PTPRD: variants seen among roughly 807,000 people sequenced by gnomAD.
PTPRD encodes protein tyrosine phosphatase receptor type D.
PTPRD carries 34 observed loss-of-function variants against 214.5 expected under a neutral mutation model. The ratio of observed to expected loss-of-function variants is 0.16; its 90% CI spans 0.12 to 0.21. PTPRD has a LOEUF of 0.21. Among genes scored for constraint, PTPRD ranks in the 10% least tolerant of loss-of-function variants. The pLI is 1.00. For synonymous variants in PTPRD, 1,128 were observed against 845.7 expected, an observed-to-expected ratio of 1.33 and a Z score of -5.79; for missense variants, 2,545 against 2,398.7, an observed-to-expected ratio of 1.06 and a Z score of -1.27.
At chr9:9,356,006 T>C (rs1021635588) in intron 9 of PTPRD, among the ~76,000 whole-genome samples, 1 of 151,426 alleles carries the variant, frequency 6.6e-6, no homozygotes, top group African/African-American at 2.4e-5. Context: ...GCATTGGATT[T>C]AGCAATATTG....
At chr9:8,806,598 A>G (rs1375989332) in intron 11 of PTPRD, among the ~76,000 whole-genome samples, 3 of 152,194 alleles carry the variant, frequency 2.0e-5, no homozygotes, top group Admixed American at 1.3e-4. Flanking sequence ...AAGTATTGAC[A>G]AAGCCTTCCT....
Position 8,788,201 on chromosome 9 carries a change from C to T in PTPRD, c.-103-54255G>A, listed in dbSNP as rs569111922. The stretch of plus-strand genomic sequence containing the variant: ...GAAAGCAAAAAATGGTTATGAGTAA[C>T]CATGGCCATAATGGAAAAACATAGC... On this transcript the variant is annotated intron_variant, in intron 11 of 45. Transcript: ENST00000381196. 4.0e-5 allele frequency among the ~76,000 whole-genome samples: 6 copies of T among 149,536 alleles called. No homozygotes were observed. In the East Asian group the frequency reaches 1.2e-3, roughly 29 times the overall value.
chr9:10,523,528 C>A (rs1324288113), intron 2 of PTPRD, among the ~76,000 whole-genome samples: 1 of 146,404 alleles, frequency 6.8e-6, no homozygotes, highest in Non-Finnish European at 1.5e-5. Flanking sequence ...TTAATATAAA[C>A]AAGCAGGTAG....
rs182439753 is a variant in PTPRD at position 8,514,186 on chromosome 9, G to T, written c.1543+3662C>A. Among the ~76,000 whole-genome samples, 110 of 152,130 alleles carry T rather than the reference G, an allele frequency of 7.2e-4. 1 individual carries two copies. The highest frequency in any genetic ancestry group is 2.5e-3 in the African/African-American group (105 of 41,518). The stretch of plus-strand genomic sequence containing the variant: ...GGTCATATAAAAAAATAAAGATATG[G>T]TCTGTCTACTTCAACATTACTTCTA... On this transcript the variant is annotated intron_variant, in intron 21 of 45. Transcript: ENST00000381196.
At chr9:9,211,804 AT>A (rs371299570) in intron 9 of PTPRD, among the ~76,000 whole-genome samples, 9,175 of 144,556 alleles carry the variant, frequency 0.063, 681 homozygotes, top group African/African-American at 0.19. Flanking sequence ...AACTGGTACT[AT>A]TTTTTTTTTT....
chr9:8,567,709 A>G (rs1235582963), intron 14 of PTPRD, among the ~76,000 whole-genome samples: 2 of 152,186 alleles, frequency 1.3e-5, no homozygotes, highest in East Asian at 1.9e-4. Flanking sequence ...ATATTTTTAA[A>G]TGCCTCAATG....
At chr9:8,573,256 C>G (rs529750847) in intron 14 of PTPRD, among the ~76,000 whole-genome samples, 18 of 152,010 alleles carry the variant, frequency 1.2e-4, no homozygotes, top group East Asian at 3.9e-4. Flanking sequence ...TTTTGTTATT[C>G]TCTTACATAA....
chr9:9,547,258 C>T (rs1373099243), intron 8 of PTPRD, among the ~76,000 whole-genome samples: 1 of 152,074 alleles, frequency 6.6e-6, no homozygotes, highest in Non-Finnish European at 1.5e-5. Flanking sequence ...TCCTTACAAA[C>T]CTTTGTGTTC....
intron 5 of PTPRD, among the ~76,000 whole-genome samples, chr9:9,781,589 A>G (rs1240639545): frequency 6.6e-6 from 1 of 152,194 alleles, no homozygotes; most frequent in East Asian, 1.9e-4. Flanking sequence ...AGTCTGAAGC[A>G]CCAAGCACAC....
chr9:9,830,875 T>A (rs545418734), intron 5 of PTPRD, among the ~76,000 whole-genome samples: 2 of 152,050 alleles, frequency 1.3e-5, no homozygotes, highest in East Asian at 1.9e-4. Context: ...CTTAATTATT[T>A]TTTTTTACTG....
At chr9:8,321,504 TATATATATATATATATATATATAAAA>T (rs1827901008) in intron 44 of PTPRD, among the ~76,000 whole-genome samples, 1 of 89,620 alleles carries the variant, frequency 1.1e-5, no homozygotes, top group African/African-American at 6.9e-5. Flanking sequence ...TATATATATA[TATATATATATATATATATATATAAAA>T]GGTATATGCA....
intron 7 of PTPRD, among the ~76,000 whole-genome samples, chr9:9,698,982 T>C (rs1199698160): frequency 2.0e-5 from 3 of 152,186 alleles, no homozygotes; most frequent in Admixed American, 6.5e-5. Context: ...GTGTCTAACT[T>C]TTTAATAAAA....
intron 14 of PTPRD, among the ~76,000 whole-genome samples, chr9:8,617,844 A>T (rs1305011037): frequency 6.6e-6 from 1 of 152,170 alleles, no homozygotes; most frequent in Non-Finnish European, 1.5e-5. Flanking sequence ...TGAAAGGCAC[A>T]TCTGATACGG....
At chr9:9,094,006 T>C (rs1256648127) in intron 10 of PTPRD, among the ~76,000 whole-genome samples, 1 of 152,114 alleles carries the variant, frequency 6.6e-6, no homozygotes, top group Non-Finnish European at 1.5e-5. Context: ...ATTAAAAATG[T>C]AATAAGAGAA....
intron 4 of PTPRD, among the ~76,000 whole-genome samples, chr9:10,024,237 T>C (rs543201339): frequency 9.9e-5 from 15 of 152,278 alleles, no homozygotes; most frequent in African/African-American, 3.1e-4. Flanking sequence ...ATGAATTTAA[T>C]TTATTCTAAA....
chr9:8,451,298 T>G (rs148650065), intron 33 of PTPRD, among the ~76,000 whole-genome samples: 1 of 152,298 alleles, frequency 6.6e-6, no homozygotes, highest in Non-Finnish European at 1.5e-5. Context: ...ATTTCTTCTT[T>G]CTACCTAAAG....
intron 5 of PTPRD, among the ~76,000 whole-genome samples, chr9:9,807,255 T>C (rs2153528778): frequency 6.6e-6 from 1 of 152,248 alleles, no homozygotes; most frequent in East Asian, 1.9e-4. Flanking sequence ...CTGAGTGGTG[T>C]GGTGGAAGAT....
intron 9 of PTPRD, among the ~76,000 whole-genome samples, chr9:9,293,638 AC>A (rs1489860983): frequency 1.3e-5 from 2 of 151,456 alleles, no homozygotes; most frequent in Non-Finnish European, 3.0e-5. Flanking sequence ...ATACCGTAAT[AC>A]CCCCTTATCC....
intron 8 of PTPRD, among the ~76,000 whole-genome samples, chr9:9,531,382 TAA>T (rs1427589884): frequency 6.6e-6 from 1 of 152,126 alleles, no homozygotes; most frequent in Non-Finnish European, 1.5e-5. Flanking sequence ...AGTAATTGGA[TAA>T]GTGATTATTA....
Sources: allele counts gnomAD v4.1 joint callset (sites outside exome capture counted in the v4.1 genomes callset), GRCh38; gene constraint gnomAD v4.1.1; transcripts MANE v1.5; gene names NCBI Gene and HGNC (gene_info 2026-07-23, HGNC 2026-07-21).